The following C10orf67 variants were observed in gnomAD, a reference collection of about 807,000 sequenced individuals.
The protein encoded by C10orf67 is uncharacterized protein C10orf67, mitochondrial.
Under a neutral mutation model 35.6 loss-of-function variants are expected in C10orf67, and 60 were observed. The ratio of observed to expected loss-of-function variants is 1.68; its 90% CI spans 1.37 to 2.09. The LOEUF (loss-of-function observed/expected upper bound fraction) is 2.09, where lower values mean the gene tolerates loss of function less well. Ranked by LOEUF, C10orf67 falls within the 30% of genes most tolerant of loss-of-function variation. The pLI is 0.00. For synonymous variants in C10orf67, 167 were observed against 115.8 expected (o/e 1.44, Z -2.84); for missense variants, 474 against 330.2 (o/e 1.44, Z -3.38).
chr10:23,344,319 G>A (rs768117515), intron 1 of C10orf67: 2 of 560,488 alleles, frequency 3.6e-6, no homozygotes, highest in Admixed American at 3.1e-5. Context: ...AAAGGAGGAT[G>A]GGGAGGGAGC....
At chr10:23,328,993 C>CAAAAAAACAAAAAAAAAAAAAAA (rs1845308886) in intron 2 of C10orf67, among the ~76,000 whole-genome samples, 1 of 78,732 alleles carries the variant, frequency 1.3e-5, no homozygotes, top group Non-Finnish European at 2.5e-5. Context: ...CATAAACGAA[C>CAAAAAAACAAAAAAAAAAAAAAA]AAAAAAAAAA....
intron 13 of C10orf67, among the ~76,000 whole-genome samples, chr10:23,225,568 G>T (rs1257481314): frequency 6.6e-6 from 1 of 152,132 alleles, no homozygotes; most frequent in Admixed American, 6.6e-5. Flanking sequence ...AAAAGACACA[G>T]ACTGGCAAAT....
intron 7 of C10orf67, among the ~76,000 whole-genome samples, chr10:23,286,494 G>A (rs1325442012): frequency 4.5e-4 from 36 of 79,676 alleles, no homozygotes; most frequent in African/African-American, 1.5e-3. Context: ...AGGGAGGGAA[G>A]AAGGAAGGGA....
chr10:23,330,103 TAGA>T (rs1418944109), intron 2 of C10orf67, among the ~76,000 whole-genome samples: 1 of 152,124 alleles, frequency 6.6e-6, no homozygotes, highest in African/African-American at 2.4e-5. Context: ...TAATTAGAAA[TAGA>T]AGAAGACATC....
chr10:23,251,123 A>G (rs949483524), intron 10 of C10orf67, among the ~76,000 whole-genome samples: 2 of 152,154 alleles, frequency 1.3e-5, no homozygotes, highest in African/African-American at 2.4e-5. Flanking sequence ...CGAGAGAACA[A>G]TGAGTTATAT....
intron 4 of C10orf67, among the ~76,000 whole-genome samples, chr10:23,316,079 C>T (rs913870492): frequency 3.2e-5 from 2 of 62,862 alleles, no homozygotes; most frequent in Non-Finnish European, 4.9e-5. Context: ...TCATTCCACC[C>T]GCTTGGCCGG....
rs1841061460 is a variant in C10orf67, at chr10:23,202,918, G to C, written c.*1255C>G. The C allele has an allele frequency of 2.0e-5, 3 of 152,168 alleles. No homozygotes were observed. The South Asian group carries it at 6.2e-4, about 32-fold the overall frequency. The allele number at this position is 152,168 out of a possible 1,614,324, so 9.4% of individuals were successfully genotyped here. On this transcript the variant is annotated 3_prime_UTR_variant, in exon 16 of 16. Coordinates refer to ENST00000636213, the MANE Select transcript of C10orf67 (RefSeq NM_001371909.1). ...TAGGGTTGATTGGTTGGTGGAAATGGCTGGCAGCCAGTTCTGGGAAAGATT... is the reference window on the plus strand; with the variant it reads ...TAGGGTTGATTGGTTGGTGGAAATGCCTGGCAGCCAGTTCTGGGAAAGATT...
chr10:23,263,056 G>A (rs963688651), intron 10 of C10orf67, among the ~76,000 whole-genome samples: 3 of 152,146 alleles, frequency 2.0e-5, no homozygotes, highest in Non-Finnish European at 4.4e-5. Flanking sequence ...TGAAGACCAT[G>A]CACATGTAAA....
intron 7 of C10orf67, among the ~76,000 whole-genome samples, chr10:23,287,751 A>T (rs1437104572): frequency 6.6e-6 from 1 of 152,252 alleles, no homozygotes; most frequent in Non-Finnish European, 1.5e-5. Flanking sequence ...CAGAATCTAC[A>T]AGGAACTTAA....
At chr10:23,315,589 T>C (rs6482263) in intron 4 of C10orf67, among the ~76,000 whole-genome samples, 58,925 of 151,688 alleles carry the variant, frequency 0.39, 14,377 homozygotes, top group East Asian at 0.74. Flanking sequence ...TAGGCGCATG[T>C]CCCCATGCCC....
At chr10:23,233,044 C>A (rs1053231391) in intron 13 of C10orf67, among the ~76,000 whole-genome samples, 2 of 152,114 alleles carry the variant, frequency 1.3e-5, no homozygotes, top group Admixed American at 6.5e-5. Context: ...GCAGTCCCAG[C>A]TACTCAGGAG....
intron 7 of C10orf67, among the ~76,000 whole-genome samples, chr10:23,289,166 G>C (rs1843638471): frequency 6.6e-6 from 1 of 152,114 alleles, no homozygotes; most frequent in Non-Finnish European, 1.5e-5. Flanking sequence ...TTGGTGGTGT[G>C]TGTGTATGTG....
intron 5 of C10orf67, among the ~76,000 whole-genome samples, chr10:23,298,837 TA>T (rs1190667897): frequency 1.3e-5 from 2 of 152,184 alleles, no homozygotes; most frequent in Admixed American, 1.3e-4. Flanking sequence ...AATGGGCGGC[TA>T]AAAGTAAATC....
chr10:23,252,198 T>C (rs1157674882), intron 10 of C10orf67, among the ~76,000 whole-genome samples: 2 of 152,212 alleles, frequency 1.3e-5, no homozygotes, highest in Non-Finnish European at 2.9e-5. Flanking sequence ...TTTTCTTCAC[T>C]TTATCTTCCA....
Position 23,266,257 on chromosome 10 carries a change from C to A in C10orf67, c.1200+5G>T, listed in dbSNP as rs1842880968. Reference sequence around the variant, plus strand: ...ACAGGGTGTGGTCATGGAAGCAGTTCTTACCACAGCTTGGTCTTCCTTTAA... The same window carrying A: ...ACAGGGTGTGGTCATGGAAGCAGTTATTACCACAGCTTGGTCTTCCTTTAA... On this transcript the variant is annotated splice_donor_5th_base_variant and intron_variant, in intron 10 of 15. Transcript: ENST00000636213. The A allele has an allele frequency of 2.5e-6, 1 of 398,490 alleles. No individual in the cohort carries two copies. Among genetic ancestry groups the A allele is most frequent in the Non-Finnish European group, 4.4e-6 (1 of 226,114 alleles). 24.7% of individuals were successfully genotyped at this position (398,490 alleles called of 1,614,324 possible).
In C10orf67 at chr10:23,272,652, G is replaced by A. The variant is rs1201089254; in HGVS notation, c.976-5398C>T. On this transcript the variant is annotated intron_variant, in intron 8 of 15. Transcript: ENST00000636213. ...TCCAACTTTGCTCTTTTTCAAAATTGTTTTAGCTATCCCAGGTCTTGTGCA... is the reference window on the plus strand; with the variant it reads ...TCCAACTTTGCTCTTTTTCAAAATTATTTTAGCTATCCCAGGTCTTGTGCA... Among the ~76,000 whole-genome samples the A allele has an allele frequency of 2.6e-5, 4 of 152,228 alleles. No individual in the cohort carries two copies. In the East Asian group the frequency reaches 7.7e-4, roughly 29 times the overall value.
Position 23,298,623 on chromosome 10 carries a change from G to A in C10orf67, c.702+4681C>T, listed in dbSNP as rs1165958412. On this transcript the variant is annotated intron_variant, in intron 5 of 15. Coordinates refer to ENST00000636213, the MANE Select transcript of C10orf67 (RefSeq NM_001371909.1). ...CCTGTTATGCCAAGGAACGCTCTTAGTTGCTTCAGGGTTTTGGGATAAGGA... is the reference window on the plus strand; with the variant it reads ...CCTGTTATGCCAAGGAACGCTCTTAATTGCTTCAGGGTTTTGGGATAAGGA... Among the ~76,000 whole-genome samples the A allele has an allele frequency of 1.8e-4, 27 of 152,208 alleles. 1 individual carries two copies. Among genetic ancestry groups the A allele is most frequent in the Admixed American group, 1.8e-3 (27 of 15,292 alleles).
chr10:23,301,398 G>A (rs937788371), intron 5 of C10orf67, among the ~76,000 whole-genome samples: 2 of 152,058 alleles, frequency 1.3e-5, no homozygotes, highest in South Asian at 2.1e-4. Context: ...CGGTGGTCAC[G>A]CTAATCGTTT....
intron 5 of C10orf67, among the ~76,000 whole-genome samples, chr10:23,302,214 T>G (rs1844103449): frequency 1.3e-5 from 2 of 150,954 alleles, no homozygotes; most frequent in Admixed American, 1.3e-4. Context: ...ATATATCATA[T>G]TATAATATAT....
Sources: allele counts gnomAD v4.1 joint callset (sites outside exome capture counted in the v4.1 genomes callset), GRCh38; gene constraint gnomAD v4.1.1; transcripts MANE v1.5; gene names NCBI Gene and HGNC (gene_info 2026-07-23, HGNC 2026-07-21).